The following FGD5 variants were observed in gnomAD, a reference collection of about 807,000 sequenced individuals.
The protein encoded by FGD5 is FYVE, RhoGEF and PH domain-containing protein 5.
A neutral mutation model predicts 133.4 loss-of-function variants in FGD5; 28 were observed. That is an observed-to-expected ratio of 0.21 (90% CI 0.16 to 0.29). FGD5 has a LOEUF of 0.29. FGD5 is among the 10% of genes least tolerant of loss of function. The probability of loss-of-function intolerance (pLI) is 1.00; values close to 1 mark genes in which losing one functional copy is unlikely to be tolerated. For synonymous variants in FGD5, 810 were observed against 776.5 expected, an observed-to-expected ratio of 1.04 and a Z score of -0.72; for missense variants, 1,858 against 1,895.2, an observed-to-expected ratio of 0.98 and a Z score of 0.36.
intron 4 of FGD5, among the ~76,000 whole-genome samples, chr3:14,888,917 G>T (rs1416531217): frequency 6.6e-6 from 1 of 152,246 alleles, no homozygotes; most frequent in African/African-American, 2.4e-5. Flanking sequence ...TCCCGCCCCA[G>T]CCAAGACCTG....
At chr3:14,865,358 G>T (rs2037475215) in intron 2 of FGD5, among the ~76,000 whole-genome samples, 1 of 152,146 alleles carries the variant, frequency 6.6e-6, no homozygotes, top group Non-Finnish European at 1.5e-5. Context: ...GGCCAAATGG[G>T]GATATCTCAT....
Position 14,872,388 on chromosome 3 carries a change from T to C in FGD5, c.2658+8128T>C, listed in dbSNP as rs939566506. On this transcript the variant is annotated intron_variant, in intron 2 of 19. Coordinates refer to ENST00000285046, the MANE Select transcript of FGD5 (RefSeq NM_152536.4). ...TTTGGAGAAGAGACTTTATTTCTTA[T>C]AAGGGGTTACAGCCTGTAAGGTGGC... 3.9e-5 allele frequency among the ~76,000 whole-genome samples: 6 copies of C among 152,206 alleles called. No homozygotes were observed. In the South Asian group the frequency reaches 6.2e-4, roughly 16 times the overall value.
At chr3:14,840,041 C>T (rs2036889489) in intron 1 of FGD5, among the ~76,000 whole-genome samples, 1 of 152,212 alleles carries the variant, frequency 6.6e-6, no homozygotes, top group African/African-American at 2.4e-5. Flanking sequence ...ATTCTCACAT[C>T]ACTGAGTCCT....
rs779157265 is a variant in FGD5 at position 14,821,159 on chromosome 3, C to T, written c.2088C>T (p.Asp696=). 1.9e-6 allele frequency: 3 copies of T among 1,613,930 alleles called. No homozygotes were observed. The highest frequency in any genetic ancestry group is 2.5e-6 in the Non-Finnish European group (3 of 1,179,870). ...GGCCTTCCAGGATTCTGGAAGTTGA[C>T]CGGAGAAGCCTCAGCAACTCCCCTC... The part of the protein sequence containing the change: ...YHGPSRILEV[D]RRSLSNSPQL... Residue 696 remains aspartate, a synonymous_variant, in exon 1 of 20, where the codon GAC becomes GAT. Coordinates refer to ENST00000285046, the MANE Select transcript of FGD5 (RefSeq NM_152536.4).
chr3:14,863,162 C>T (rs552806418), intron 1 of FGD5, among the ~76,000 whole-genome samples: 2 of 152,322 alleles, frequency 1.3e-5, no homozygotes, highest in Admixed American at 1.3e-4. Context: ...CAGGCATTCC[C>T]AGAGGGCAGG....
upstream of FGD5, among the ~76,000 whole-genome samples, chr3:14,815,230 C>T (rs555378811): frequency 6.6e-6 from 1 of 152,292 alleles, no homozygotes; most frequent in Admixed American, 6.5e-5. Context: ...CCCATCTGGC[C>T]TTGCCGGCCT....
intron 1 of FGD5, among the ~76,000 whole-genome samples, chr3:14,830,587 A>ATAG (rs2036688041): frequency 6.6e-6 from 1 of 152,244 alleles, no homozygotes; most frequent in South Asian, 2.1e-4. Flanking sequence ...ATTCTCGCTA[A>ATAG]TAGAAGAGAG....
At chr3:14,928,354 A>G (rs1025568641) in intron 18 of FGD5, among the ~76,000 whole-genome samples, 1 of 152,112 alleles carries the variant, frequency 6.6e-6, no homozygotes, top group Non-Finnish European at 1.5e-5. Flanking sequence ...TTACAGGTGT[A>G]AGCCACTGTG....
At chr3:14,872,225 C>T (rs2037624812) in intron 2 of FGD5, among the ~76,000 whole-genome samples, 1 of 152,142 alleles carries the variant, frequency 6.6e-6, no homozygotes, top group Non-Finnish European at 1.5e-5. Flanking sequence ...GATCTTTAAA[C>T]TTTATATTCA....
upstream of FGD5, among the ~76,000 whole-genome samples, chr3:14,816,448 T>C (rs1410112486): frequency 6.6e-6 from 1 of 152,242 alleles, no homozygotes; most frequent in Non-Finnish European, 1.5e-5. Context: ...TATTTCTATG[T>C]GAAGGCCTGC....
intron 1 of FGD5, among the ~76,000 whole-genome samples, chr3:14,861,931 A>G (rs1178594026): frequency 6.6e-6 from 1 of 152,126 alleles, no homozygotes; most frequent in Non-Finnish European, 1.5e-5. Flanking sequence ...TGGGTGGAGA[A>G]CAGATTGGGT....
chr3:14,923,492 T>C, intron 16 of FGD5: 1 of 371,732 alleles, frequency 2.7e-6, no homozygotes. Flanking sequence ...CCTATAGGCC[T>C]GTGCCTGTAG....
intron 2 of FGD5, among the ~76,000 whole-genome samples, chr3:14,871,277 T>A (rs2037601422): frequency 6.6e-6 from 1 of 152,240 alleles, no homozygotes; most frequent in East Asian, 1.9e-4. Flanking sequence ...CATGGGTGCG[T>A]CCTTGCTGCC....
chr3:14,922,307 A>T lies in FGD5; in HGVS notation c.3670-104A>T, dbSNP rs547514526. ...TCACATCAGACCCACTCACCCACAC[A>T]TCACACACCCTGCACAGAGACGCAG... On this transcript the variant is annotated intron_variant, in intron 14 of 19. Transcript: ENST00000285046. This position sits in a 1 kb window ranked among gnomAD's most constrained non-coding sequence, Gnocchi z 4.1. 30 of 1,486,712 alleles carry T rather than the reference A, an allele frequency of 2.0e-5. No individual in the cohort carries two copies. The highest frequency in any genetic ancestry group is 4.0e-5 in the Admixed American group (2 of 49,592). The allele number at this position is 1,486,712 out of a possible 1,614,324, so 92.1% of individuals were successfully genotyped here.
chr3:14,898,194 G>A, intron 6 of FGD5, 99 bp downstream of exon 6: 1 of 1,493,194 alleles, frequency 6.7e-7, no homozygotes, highest in Admixed American at 1.7e-5. Flanking sequence ...GGTAGGTGTG[G>A]GGCTGGGGAG....
chr3:14,823,326 G>A (rs565239849), intron 1 of FGD5, among the ~76,000 whole-genome samples: 79 of 152,252 alleles, frequency 5.2e-4, no homozygotes, highest in African/African-American at 1.9e-3. Context: ...CAGGGAACCC[G>A]TCACTCCCAG....
chr3:14,920,490 CA>C (rs567110354), intron 13 of FGD5: 378 of 137,004 alleles, frequency 2.8e-3, no homozygotes, highest in African/African-American at 4.8e-3. Context: ...GACCCTGTCT[CA>C]AAAAAAAAAA....
chr3:14,884,975 G>A (rs13080977), intron 4 of FGD5, among the ~76,000 whole-genome samples: 112,241 of 151,350 alleles, frequency 0.74, 41,863 homozygotes, highest in African/African-American at 0.8. Context: ...TTGCAAGCCT[G>A]CTCTGGACCG....
chr3:14,895,654 G>C (rs530872734), intron 4 of FGD5, among the ~76,000 whole-genome samples: 2 of 152,074 alleles, frequency 1.3e-5, no homozygotes, highest in Non-Finnish European at 2.9e-5. Flanking sequence ...GTTTACTGCA[G>C]GCTTGACTTC....
Sources: gnomAD v4.1 joint callset for allele counts (sites outside exome capture counted in the v4.1 genomes callset) on GRCh38, gnomAD v4.1.1 for gene constraint, Gnocchi (gnomAD v3.1) non-coding constraint, MANE v1.5 for transcripts, NCBI Gene and HGNC (gene_info 2026-07-23, HGNC 2026-07-21) for gene names.